MDGA2: variants seen among roughly 807,000 people sequenced by gnomAD.
MDGA2 encodes MAM domain-containing glycosylphosphatidylinositol anchor protein 2.
Under a neutral mutation model 117.8 loss-of-function variants are expected in MDGA2, and 40 were observed. That is an observed-to-expected ratio of 0.34 (90% CI 0.26 to 0.44). The LOEUF is 0.44. Among genes scored for constraint, MDGA2 ranks in the 20% least tolerant of loss-of-function variants. The pLI is 1.00. For missense variants in MDGA2, 1,123 were observed against 1,250.6 expected, an observed-to-expected ratio of 0.90 and a Z score of 1.54; for synonymous variants, 452 against 439.0, an observed-to-expected ratio of 1.03 and a Z score of -0.37.
intron 1 of MDGA2, among the ~76,000 whole-genome samples, chr14:47,590,343 C>G (rs1394128013): frequency 6.6e-6 from 1 of 151,670 alleles, no homozygotes; most frequent in Non-Finnish European, 1.5e-5. Context: ...GTAGTTATCA[C>G]TTATTAGTAG....
chr14:47,156,198 A>T (rs1198556959), intron 3 of MDGA2, among the ~76,000 whole-genome samples: 1 of 151,902 alleles, frequency 6.6e-6, no homozygotes, highest in Non-Finnish European at 1.5e-5. Context: ...ATAAGCCATC[A>T]CACCTGGCCA....
chr14:47,101,724 C>G (rs1453016016), intron 5 of MDGA2, among the ~76,000 whole-genome samples: 1 of 152,100 alleles, frequency 6.6e-6, no homozygotes, highest in African/African-American at 2.4e-5. Context: ...ATGCTCCAGG[C>G]CTTGGTACAA....
At chr14:47,490,704 G>T (rs1405916220) in intron 1 of MDGA2, among the ~76,000 whole-genome samples, 1 of 152,030 alleles carries the variant, frequency 6.6e-6, no homozygotes, top group Non-Finnish European at 1.5e-5. Context: ...ATTTACAAAG[G>T]AAGAAACTTT....
chr14:47,600,221 C>A (rs907583699), intron 1 of MDGA2, among the ~76,000 whole-genome samples: 4 of 152,014 alleles, frequency 2.6e-5, no homozygotes, highest in Admixed American at 2.0e-4. Flanking sequence ...CATGGTGAAA[C>A]CCTGTCTGCA....
intron 8 of MDGA2, among the ~76,000 whole-genome samples, chr14:47,021,505 C>T (rs1888285206): frequency 6.6e-6 from 1 of 152,098 alleles, no homozygotes; most frequent in South Asian, 2.1e-4. Flanking sequence ...TTATGTATGC[C>T]TCTAGCCTTC....
At position 47,171,172 on chromosome 14, in the gene MDGA2, T is replaced by C. The variant is rs183077683; in HGVS notation, c.596-26898A>G. On this transcript the variant is annotated intron_variant, in intron 3 of 16. Transcript: ENST00000399232. ...ATTTTTATTAGAAATATTATGTTTT[T>C]TACAGTCCAGAAAGCCATAATCTCT... Among the ~76,000 whole-genome samples, 842 of 152,242 alleles carry C rather than the reference T, an allele frequency of 5.5e-3. 2 individuals carry two copies. The highest frequency in any genetic ancestry group is 0.019 in the African/African-American group (799 of 41,546).
chr14:47,615,918 T>A (rs1896940437), intron 1 of MDGA2, among the ~76,000 whole-genome samples: 1 of 152,104 alleles, frequency 6.6e-6, no homozygotes, highest in South Asian at 2.1e-4. Context: ...CCTGAGCCCT[T>A]CAATGGGGTC....
intron 1 of MDGA2, among the ~76,000 whole-genome samples, chr14:47,476,970 T>C (rs887443899): frequency 2.6e-5 from 4 of 152,158 alleles, no homozygotes; most frequent in African/African-American, 9.7e-5. Context: ...GAGATCAGCC[T>C]GACCAACATG....
chr14:47,068,827 T>C (rs1361095461), intron 6 of MDGA2, among the ~76,000 whole-genome samples: 1 of 152,128 alleles, frequency 6.6e-6, no homozygotes, highest in African/African-American at 2.4e-5. Context: ...TTGTGAAAAT[T>C]AGATGAGATA....
In MDGA2 at chr14:46,928,762, T is replaced by C. The variant is rs374965026; in HGVS notation, c.2090-8602A>G. Among the ~76,000 whole-genome samples, 178 of 152,304 alleles carry C rather than the reference T, an allele frequency of 1.2e-3. 1 individual carries two copies. The highest frequency in any genetic ancestry group is 4.1e-3 in the African/African-American group (171 of 41,582). ...AAAATCATGACTATCCTTCCTTCCTTTAGTAACTCTTTGTTCTATGATAAT... is the reference window on the plus strand; with the variant it reads ...AAAATCATGACTATCCTTCCTTCCTCTAGTAACTCTTTGTTCTATGATAAT... On this transcript the variant is annotated intron_variant, in intron 9 of 16. Transcript: ENST00000399232.
intron 1 of MDGA2, among the ~76,000 whole-genome samples, chr14:47,407,352 G>T (rs1892279603): frequency 6.6e-6 from 1 of 151,948 alleles, no homozygotes; most frequent in Admixed American, 6.6e-5. Flanking sequence ...AGCTTAAAAT[G>T]GACTCTTTGG....
At chr14:47,097,220 T>C in intron 5 of MDGA2, 97 bp from the exon 6 acceptor site, 1 of 1,331,234 alleles carries the variant, frequency 7.5e-7, no homozygotes, top group Non-Finnish European at 1.0e-6. Context: ...AAAATTAAAA[T>C]GAAATATAGT....
intron 1 of MDGA2, among the ~76,000 whole-genome samples, chr14:47,670,136 G>C (rs1898048113): frequency 6.6e-6 from 1 of 152,136 alleles, no homozygotes; most frequent in Non-Finnish European, 1.5e-5. Context: ...CCTGAATTGA[G>C]TTAATATAGC....
At chr14:47,004,248 T>A (rs1414849805) in intron 8 of MDGA2, among the ~76,000 whole-genome samples, 1 of 151,880 alleles carries the variant, frequency 6.6e-6, no homozygotes, top group Non-Finnish European at 1.5e-5. Flanking sequence ...TTGTGTCAAC[T>A]TTTGTATATA....
At chr14:47,420,323 G>T (rs1892553554) in intron 1 of MDGA2, among the ~76,000 whole-genome samples, 1 of 152,048 alleles carries the variant, frequency 6.6e-6, no homozygotes, top group Non-Finnish European at 1.5e-5. Flanking sequence ...ATTCAAATGT[G>T]GAAGGAATGA....
At chr14:47,185,691 G>A (rs79381534) in intron 3 of MDGA2, among the ~76,000 whole-genome samples, 64 of 151,634 alleles carry the variant, frequency 4.2e-4, no homozygotes, top group African/African-American at 1.5e-3. Context: ...CATAAAACTG[G>A]TTAACACCAA....
intron 1 of MDGA2, among the ~76,000 whole-genome samples, chr14:47,580,770 T>C (rs910579720): frequency 4.6e-5 from 7 of 151,980 alleles, no homozygotes; most frequent in Non-Finnish European, 2.9e-5. Flanking sequence ...GGCACTGGTT[T>C]TCTTACTCTA....
chr14:47,584,837 T>A (rs1196104927), intron 1 of MDGA2, among the ~76,000 whole-genome samples: 2 of 151,816 alleles, frequency 1.3e-5, no homozygotes, highest in Admixed American at 6.6e-5. Context: ...TGTTACAGTT[T>A]CCATAACACT....
chr14:46,992,991 A>G (rs910246879), intron 8 of MDGA2, among the ~76,000 whole-genome samples: 2 of 152,150 alleles, frequency 1.3e-5, no homozygotes, highest in Non-Finnish European at 2.9e-5. Context: ...TGTATACTTC[A>G]TTCCCCAATA....
Sources: gnomAD v4.1 joint callset for allele counts (sites outside exome capture counted in the v4.1 genomes callset) on GRCh38, gnomAD v4.1.1 for gene constraint, MANE v1.5 for transcripts, NCBI Gene and HGNC (gene_info 2026-07-23, HGNC 2026-07-21) for gene names.